The following B3GALNT2 variants were observed in gnomAD, a reference collection of about 807,000 sequenced individuals.
The protein encoded by B3GALNT2 is UDP-GalNAc:beta-1,3-N-acetylgalactosaminyltransferase 2.
A neutral mutation model predicts 61.1 loss-of-function variants in B3GALNT2; 53 were observed. The observed-to-expected ratio is 0.87, with a 90% CI of 0.70 to 1.09. The LOEUF (loss-of-function observed/expected upper bound fraction) is 1.09, where lower values mean the gene tolerates loss of function less well. B3GALNT2 is among the 50% of genes least tolerant of loss of function. The probability of loss-of-function intolerance (pLI) is 0.00; values close to 1 mark genes in which losing one functional copy is unlikely to be tolerated. For synonymous variants in B3GALNT2, 223 were observed against 237.4 expected (o/e 0.94, Z 0.56); for missense variants, 544 against 623.0 (o/e 0.87, Z 1.35).
intron 5 of B3GALNT2, among the ~76,000 whole-genome samples, chr1:235,474,967 ATATATATATATATATATATAT>A (rs1436441836): frequency 2.8e-4 from 7 of 25,410 alleles, no homozygotes; most frequent in Non-Finnish European, 4.1e-4. Flanking sequence ...ATATATATAT[ATATATATATATATATATATAT>A]TTTTTTTTTT....
chr1:235,445,862 G>T (rs1485189198), downstream of B3GALNT2, among the ~76,000 whole-genome samples: 1 of 152,184 alleles, frequency 6.6e-6, no homozygotes, highest in Non-Finnish European at 1.5e-5. Flanking sequence ...GCCAGCGGAG[G>T]AATGGTGAAT....
chr1:235,490,903 G>A (rs778709690), intron 2 of B3GALNT2, among the ~76,000 whole-genome samples: 2 of 151,954 alleles, frequency 1.3e-5, no homozygotes, highest in Non-Finnish European at 2.9e-5. Flanking sequence ...TGTCACATTA[G>A]TCACTTGAAT....
At chr1:235,445,257 T>C (rs540128030), downstream of B3GALNT2, among the ~76,000 whole-genome samples, 8 of 152,332 alleles carry the variant, frequency 5.3e-5, no homozygotes, top group Admixed American at 1.3e-4. Context: ...CACTCACTCA[T>C]ACAAAGGTTC....
chr1:235,471,609 A>G (rs1010952540), intron 5 of B3GALNT2, among the ~76,000 whole-genome samples: 19 of 152,214 alleles, frequency 1.2e-4, no homozygotes, highest in African/African-American at 4.1e-4. Context: ...ACTAGTAAAC[A>G]AAAGTTTAAC....
At chr1:235,441,847 C>T in the B3GALNT2 span, 5 of 1,614,006 alleles carry the variant, frequency 3.1e-6, no homozygotes, top group Middle Eastern at 3.3e-4. Flanking sequence ...GAACTCAAAA[C>T]ACAGCAACCA....
chr1:235,451,325 C>A (rs1572476603), intron 11 of B3GALNT2: 1 of 152,152 alleles, frequency 6.6e-6, no homozygotes, highest in East Asian at 1.9e-4. Context: ...TCTGTGTAAG[C>A]CCAACAGTTC....
In B3GALNT2 at chr1:235,448,878, C is replaced by CTAAG. The variant is rs1682690875; in HGVS notation, c.*1324_*1327dup. On this transcript the variant is annotated 3_prime_UTR_variant, in exon 12 of 12. Transcript: ENST00000366600. ...AAACAAAGGGGGTTTACAACTTGTC[C>CTAAG]TAAGTATAACAAGGGATGTATTTTT... 7 of 795,756 alleles carry CTAAG rather than the reference C, an allele frequency of 8.8e-6. No homozygotes were observed. The highest frequency in any genetic ancestry group is 1.5e-5 in the Non-Finnish European group (7 of 469,362). 49.3% of individuals were successfully genotyped at this position (795,756 alleles called of 1,614,324 possible).
intron 1 of B3GALNT2, among the ~76,000 whole-genome samples, chr1:235,502,803 T>C (rs528679532): frequency 6.6e-6 from 1 of 152,316 alleles, no homozygotes; most frequent in Admixed American, 6.5e-5. Context: ...GGCTCACTCA[T>C]AACAAAAGAG....
intron 1 of B3GALNT2, among the ~76,000 whole-genome samples, chr1:235,495,168 T>G (rs1426530421): frequency 6.6e-6 from 1 of 152,224 alleles, no homozygotes; most frequent in African/African-American, 2.4e-5. Flanking sequence ...AGGCCACAGT[T>G]AGAATCCAGG....
intron 1 of B3GALNT2, among the ~76,000 whole-genome samples, chr1:235,501,162 C>T (rs1685565020): frequency 6.6e-6 from 1 of 152,196 alleles, no homozygotes; most frequent in African/African-American, 2.4e-5. Context: ...CTACTTAAGG[C>T]ATTACCCAAA....
downstream of B3GALNT2, among the ~76,000 whole-genome samples, chr1:235,447,124 G>C (rs1453298493): frequency 2.0e-5 from 3 of 152,126 alleles, no homozygotes; most frequent in East Asian, 5.8e-4. Context: ...GAAAGGACTA[G>C]ACTATCACAT....
At chr1:235,465,244 C>G (rs1477001158) in intron 7 of B3GALNT2, 1 of 159,428 alleles carries the variant, frequency 6.3e-6, no homozygotes, top group African/African-American at 2.4e-5. Flanking sequence ...AAAAGAAGTA[C>G]TGATACATAC....
At chr1:235,471,323 A>G (rs941104928) in intron 5 of B3GALNT2, among the ~76,000 whole-genome samples, 1 of 152,146 alleles carries the variant, frequency 6.6e-6, no homozygotes, top group Non-Finnish European at 1.5e-5. Context: ...TTCCCCTACT[A>G]TTAGACATTT....
rs1682686877 is a variant in B3GALNT2, at chr1:235,448,849, G to A, written c.*1357C>T. The A allele has an allele frequency of 2.0e-6, 2 of 1,024,646 alleles. No homozygotes were observed. Among genetic ancestry groups the A allele is most frequent in the East Asian group, 2.5e-5 (1 of 40,572 alleles). The allele number at this position is 1,024,646 out of a possible 1,614,324, so 63.5% of individuals were successfully genotyped here. A position where few individuals can be genotyped will look rare whatever the true frequency, so the allele number is the denominator to read the frequency against. ...AATGATTCACTGGAACAATTCTACT[G>A]TCAAAACAAAGGGGGTTTACAACTT... On this transcript the variant is annotated 3_prime_UTR_variant, in exon 12 of 12. Coordinates refer to ENST00000366600, the MANE Select transcript of B3GALNT2 (RefSeq NM_152490.5).
the B3GALNT2 span, chr1:235,441,846 A>T: frequency 6.2e-7 from 1 of 1,614,120 alleles, no homozygotes; most frequent in Non-Finnish European, 8.5e-7. Flanking sequence ...GGAACTCAAA[A>T]CACAGCAACC....
chr1:235,474,969 ATATATATATATATATATATTTTTTTTTTT>A (rs1684182647), intron 5 of B3GALNT2, among the ~76,000 whole-genome samples: 2 of 28,814 alleles, frequency 6.9e-5, no homozygotes, highest in East Asian at 1.2e-3. Context: ...ATATATATAT[ATATATATATATATATATATTTTTTTTTTT>A]TTTTTTTTTT....
intron 3 of B3GALNT2, among the ~76,000 whole-genome samples, chr1:235,485,092 A>C (rs1219775351): frequency 6.6e-6 from 1 of 152,232 alleles, no homozygotes; most frequent in South Asian, 2.1e-4. Flanking sequence ...ACCATCTTCT[A>C]TGTACCATTT....
chr1:235,500,215 T>C (rs548499237), intron 1 of B3GALNT2, among the ~76,000 whole-genome samples: 3 of 152,130 alleles, frequency 2.0e-5, no homozygotes, highest in Non-Finnish European at 2.9e-5. Flanking sequence ...AGGGAGGGCC[T>C]GGCGCAGTGG....
rs1281880988 is a variant in B3GALNT2 at position 235,504,065 on chromosome 1, G to C, written c.112+76C>G. The C allele has an allele frequency of 3.4e-6, 4 of 1,190,256 alleles. No individual in the cohort carries two copies. In the East Asian group the frequency reaches 1.1e-4, roughly 32 times the overall value. The allele number at this position is 1,190,256 out of a possible 1,614,324, so 73.7% of individuals were successfully genotyped here. A position where few individuals can be genotyped will look rare whatever the true frequency, so the allele number is the denominator to read the frequency against. ...CCTTCCCCCGCCTCCAACAATTCCC[G>C]GCGAAGCCCCGCGGCACCAAGCCGG... On this transcript the variant is annotated intron_variant, in intron 1 of 11. Transcript: ENST00000366600.
Sources: allele counts gnomAD v4.1 joint callset (sites outside exome capture counted in the v4.1 genomes callset), GRCh38; gene constraint gnomAD v4.1.1; transcripts MANE v1.5; gene names NCBI Gene and HGNC (gene_info 2026-07-23, HGNC 2026-07-21).